ZC3H11A: variants seen among roughly 807,000 people sequenced by gnomAD.
ZC3H11A encodes zinc finger CCCH domain-containing protein 11A.
In ZC3H11A, 22 loss-of-function variants were observed where a neutral mutation model predicts 90.8. The observed-to-expected ratio is 0.24, with a 90% CI of 0.17 to 0.35. ZC3H11A has a LOEUF of 0.35. Among genes scored for constraint, ZC3H11A ranks in the 10% least tolerant of loss-of-function variants. ZC3H11A has a pLI of 1.00. For synonymous variants in ZC3H11A, 294 were observed against 339.8 expected (o/e 0.87, Z 1.48); for missense variants, 701 against 964.9 (o/e 0.73, Z 3.62).
In ZC3H11A at chr1:203,802,183, C is replaced by G. The variant is rs985706232; in HGVS notation, c.-979C>G. On this transcript the variant is annotated 5_prime_UTR_variant, in exon 2 of 18. Transcript: ENST00000367210. ...TACGTTTCTATCTTTTTTGGTTAAA[C>G]ACTCCCTGATGACGATGATGGATAT... 1 of 152,602 alleles carries G rather than the reference C, an allele frequency of 6.6e-6. No homozygotes were observed. The highest frequency in any genetic ancestry group is 2.4e-5 in the African/African-American group (1 of 41,450). 9.5% of individuals were successfully genotyped at this position (152,602 alleles called of 1,614,324 possible).
chr1:203,829,912 A>G lies in ZC3H11A; in HGVS notation c.619+16A>G, dbSNP rs757556536. On this transcript the variant is annotated intron_variant, in intron 7 of 17. Coordinates refer to ENST00000367210, the MANE Select transcript of ZC3H11A (RefSeq NM_001376342.1). ...ATAAAGCAAGGTAAGAAGAGGCTAG[A>G]TTGGTGCCTCTTATAGCACTGTTGA... 16 of 1,604,910 alleles carry G rather than the reference A, an allele frequency of 1.0e-5. 1 individual carries two copies. The South Asian group carries it at 1.1e-4, about 11-fold the overall frequency.
chr1:203,820,300 C>A (rs943786959), intron 4 of ZC3H11A, among the ~76,000 whole-genome samples: 1 of 151,770 alleles, frequency 6.6e-6, no homozygotes, highest in African/African-American at 2.4e-5. Context: ...GTTTTGTCTC[C>A]TTCTGTTGAG....
At position 203,821,906 on chromosome 1, in the gene ZC3H11A, C is replaced by T. The variant is rs543701699; in HGVS notation, c.174+3217C>T. ...CCGAGTAGCTGGGATTACAGGTGCC[C>T]GCCACCACGCCCGGCTAATTTTTTG... On this transcript the variant is annotated intron_variant, in intron 4 of 17. Transcript: ENST00000367210. Among the ~76,000 whole-genome samples, 11 of 151,974 alleles carry T rather than the reference C, an allele frequency of 7.2e-5. No homozygotes were observed. In the East Asian group the frequency reaches 7.7e-4, roughly 11 times the overall value.
Position 203,851,058 on chromosome 1 carries a change from C to G in ZC3H11A, c.2108C>G (p.Ala703Gly). Reference sequence around the variant, plus strand: ...ATTACCTGACTCTTCCTTTTGTAGGCTGTTGTCCCGCTTGTCTCTGAGGAC... The same window carrying G: ...ATTACCTGACTCTTCCTTTTGTAGGGTGTTGTCCCGCTTGTCTCTGAGGAC... ...QEPPAKKAAVAVVPLVSEDKS... is the reference protein window; with the variant it reads ...QEPPAKKAAVGVVPLVSEDKS... Residue 703 changes from alanine (A) to glycine (G), a missense_variant and splice_region_variant, in exon 17 of 18, where the codon GCT (alanine) becomes GGT (glycine). Coordinates refer to ENST00000367210, the MANE Select transcript of ZC3H11A (RefSeq NM_001376342.1). The G allele has an allele frequency of 1.2e-6, 2 of 1,614,150 alleles. No homozygotes were observed. Among genetic ancestry groups the G allele is most frequent in the South Asian group, 2.2e-5 (2 of 91,082 alleles).
Position 203,802,195 on chromosome 1 carries a change from A to C in ZC3H11A, c.-967A>C, listed in dbSNP as rs80226387. 0.017 allele frequency: 2,597 copies of C among 152,700 alleles called. 31 individuals are homozygous for C. The highest frequency in any genetic ancestry group is 0.028 in the Non-Finnish European group (1,901 of 68,018). The allele number at this position is 152,700 out of a possible 1,614,324, so 9.5% of individuals were successfully genotyped here. A position where few individuals can be genotyped will look rare whatever the true frequency, so the allele number is the denominator to read the frequency against. ...TTTTTTGGTTAAACACTCCCTGATG[A>C]CGATGATGGATATATATACATACAT... On this transcript the variant is annotated 5_prime_UTR_variant, in exon 2 of 18. Transcript: ENST00000367210.
intron 2 of ZC3H11A, among the ~76,000 whole-genome samples, chr1:203,815,799 AT>A (rs1257919829): frequency 6.6e-6 from 1 of 152,080 alleles, no homozygotes; most frequent in Non-Finnish European, 1.5e-5. Flanking sequence ...GTAGATCACT[AT>A]TTCTGAAACC....
chr1:203,797,357 T>G, intron 1 of ZC3H11A: 2 of 617,590 alleles, frequency 3.2e-6, no homozygotes, highest in South Asian at 2.7e-5. Flanking sequence ...TGCTGTCAGT[T>G]TTCCTCCAAA....
At chr1:203,826,535 C>G (rs1420553688) in intron 4 of ZC3H11A, among the ~76,000 whole-genome samples, 1 of 152,072 alleles carries the variant, frequency 6.6e-6, no homozygotes, top group Non-Finnish European at 1.5e-5. Context: ...TTGAGACTGC[C>G]TGATTCTTCC....
chr1:203,828,595 C>A (rs1254484123), intron 5 of ZC3H11A, among the ~76,000 whole-genome samples, 173 bp downstream of exon 5: 4 of 152,136 alleles, frequency 2.6e-5, no homozygotes, highest in Non-Finnish European at 5.9e-5. Context: ...TATCCTTGGC[C>A]TTAGAACCAT....
In ZC3H11A at chr1:203,847,423, G is replaced by A. The variant is rs1688190854; in HGVS notation, c.1282G>A (p.Asp428Asn). 18 of 1,613,854 alleles carry A rather than the reference G, an allele frequency of 1.1e-5. No individual in the cohort carries two copies. The highest frequency in any genetic ancestry group is 1.4e-5 in the Non-Finnish European group (17 of 1,179,856). ...AGCAGAGAGACAAAAAAGCAAAAAGGATACAACTTGCATCAAGCTAAAGAT... is the reference window on the plus strand; with the variant it reads ...AGCAGAGAGACAAAAAAGCAAAAAGAATACAACTTGCATCAAGCTAAAGAT... ...QEAERQKSKK[D>N]TTCIKLKIDS... Residue 428 changes from aspartate (D) to asparagine (N), a missense_variant, in exon 13 of 18, where the codon GAT (aspartate) becomes AAT (asparagine). Physicochemically the swap from Asp to Asn is conservative, Grantham distance 23 (BLOSUM62 1). Transcript: ENST00000367210.
chr1:203,797,010 T>C (rs1668751445), intron 1 of ZC3H11A: 1 of 153,390 alleles, frequency 6.5e-6, no homozygotes, highest in Admixed American at 6.5e-5. Context: ...TGTTGAATGA[T>C]GCACTATGTT....
chr1:203,839,787 G>T (rs986146984), intron 11 of ZC3H11A, among the ~76,000 whole-genome samples: 1 of 151,760 alleles, frequency 6.6e-6, no homozygotes, highest in Admixed American at 6.6e-5. Context: ...TATAAAGTAC[G>T]TTTTTCTTTG....
At chr1:203,796,186 T>A in intron 1 of ZC3H11A, 1 of 374,214 alleles carries the variant, frequency 2.7e-6, no homozygotes, top group Non-Finnish European at 4.7e-6. Context: ...TGACACTAGA[T>A]TGCTTTCTTC....
intron 2 of ZC3H11A, among the ~76,000 whole-genome samples, chr1:203,809,908 C>T (rs942390349): frequency 6.6e-5 from 10 of 152,126 alleles, no homozygotes; most frequent in Non-Finnish European, 1.3e-4. Flanking sequence ...AAGTCAAGAT[C>T]ACGCAACTGC....
chr1:203,797,921 C>A, intron 1 of ZC3H11A: 1 of 1,535,888 alleles, frequency 6.5e-7, no homozygotes. Flanking sequence ...CCAAGACCTC[C>A]ATTGTGTGGC....
chr1:203,828,039 AT>A (rs1287002525), intron 4 of ZC3H11A, among the ~76,000 whole-genome samples: 1 of 120,642 alleles, frequency 8.3e-6, no homozygotes, highest in African/African-American at 2.5e-5. Flanking sequence ...GCTTCTCTAA[AT>A]TAAGTGTAGA....
At chr1:203,850,080 AC>A in intron 15 of ZC3H11A, 54 bp downstream of exon 15, 3 of 1,553,458 alleles carry the variant, frequency 1.9e-6, no homozygotes, top group Non-Finnish European at 2.6e-6. Flanking sequence ...ACCAAATTCA[AC>A]CCAATTGTTG....
intron 11 of ZC3H11A, among the ~76,000 whole-genome samples, chr1:203,838,312 G>A (rs947878010): frequency 6.6e-6 from 1 of 152,162 alleles, no homozygotes; most frequent in Non-Finnish European, 1.5e-5. Context: ...TTATAAATGC[G>A]ATAAATTTTG....
chr1:203,837,887 G>A, intron 10 of ZC3H11A, 79 bp from the exon 11 acceptor site: 2 of 1,334,226 alleles, frequency 1.5e-6, no homozygotes, highest in Non-Finnish European at 2.1e-6. Flanking sequence ...ATTATGCTAT[G>A]TTGTCTGTTT....
Sources: allele counts gnomAD v4.1 joint callset (sites outside exome capture counted in the v4.1 genomes callset), GRCh38; gene constraint gnomAD v4.1.1; transcripts MANE v1.5; gene names NCBI Gene and HGNC (gene_info 2026-07-23, HGNC 2026-07-21).